The following DENND2B variants were observed in gnomAD, a reference collection of about 807,000 sequenced individuals.
The protein encoded by DENND2B is DENN domain-containing protein 2B.
Under a neutral mutation model 116.0 loss-of-function variants are expected in DENND2B, and 32 were observed. The observed-to-expected ratio is 0.28, with a 90% CI of 0.21 to 0.37. The LOEUF (loss-of-function observed/expected upper bound fraction) is 0.37. DENND2B is among the 10% of genes least tolerant of loss of function. The probability of loss-of-function intolerance (pLI) is 1.00; values close to 1 mark genes in which losing one functional copy is unlikely to be tolerated. For synonymous variants in DENND2B, 588 were observed against 583.9 expected, an observed-to-expected ratio of 1.01 and a Z score of -0.10; for missense variants, 1,276 against 1,477.7, an observed-to-expected ratio of 0.86 and a Z score of 2.24.
intron 1 of DENND2B, among the ~76,000 whole-genome samples, chr11:8,770,621 T>A (rs1234060587): frequency 6.6e-6 from 1 of 152,146 alleles, no homozygotes; most frequent in Non-Finnish European, 1.5e-5. Flanking sequence ...CTTGAGTGAG[T>A]CCAGACCTAA....
At chr11:8,894,180 A>T (rs1213519389) in intron 1 of DENND2B, among the ~76,000 whole-genome samples, 2 of 152,208 alleles carry the variant, frequency 1.3e-5, no homozygotes, top group East Asian at 3.8e-4. Context: ...GGTGCTGGGA[A>T]AACTTGCTAG....
At chr11:8,901,287 TG>T (rs1277198358) in intron 1 of DENND2B, among the ~76,000 whole-genome samples, 2 of 140,894 alleles carry the variant, frequency 1.4e-5, no homozygotes, top group African/African-American at 2.6e-5. Flanking sequence ...TGGAGTGCAG[TG>T]GTGCAATCTC....
intron 1 of DENND2B, among the ~76,000 whole-genome samples, chr11:8,806,638 A>ACACACACACACACACACACACACAC (rs1017645452): frequency 6.6e-6 from 1 of 150,896 alleles, no homozygotes; most frequent in Non-Finnish European, 1.5e-5. Flanking sequence ...ACACACACAC[A>ACACACACACACACACACACACACAC]CCCAGGAGAG....
intron 3 of DENND2B, among the ~76,000 whole-genome samples, chr11:8,845,756 A>C (rs2256067): frequency 0.93 from 141,598 of 152,216 alleles, 66,693 homozygotes; most frequent in East Asian, 1. Context: ...TAGAAAATAT[A>C]CCCTGTCTGA....
chr11:8,799,912 CATGT>C (rs2060166588), intron 1 of DENND2B, among the ~76,000 whole-genome samples: 1 of 147,096 alleles, frequency 6.8e-6, no homozygotes, highest in East Asian at 2.0e-4. Flanking sequence ...CAGTCTTCAC[CATGT>C]ATTTATTATT....
intron 2 of DENND2B, among the ~76,000 whole-genome samples, chr11:8,738,837 C>T (rs1463422078): frequency 6.6e-6 from 1 of 152,184 alleles, no homozygotes; most frequent in East Asian, 1.9e-4. Context: ...ATTGTTTTCC[C>T]TCCTTATCAA....
intron 1 of DENND2B, among the ~76,000 whole-genome samples, chr11:8,888,342 A>G (rs1284331949): frequency 6.6e-6 from 1 of 152,178 alleles, no homozygotes; most frequent in Non-Finnish European, 1.5e-5. Flanking sequence ...GCTTCTGATC[A>G]TAGATGTGCA....
At chr11:8,815,774 GCTC>G (rs1488668306) in intron 4 of DENND2B, among the ~76,000 whole-genome samples, 2 of 152,276 alleles carry the variant, frequency 1.3e-5, no homozygotes, top group East Asian at 1.9e-4. Context: ...ACAGACCTGA[GCTC>G]CTCGAGGTGT....
At chr11:8,779,508 TTC>T (rs1374207509) in intron 1 of DENND2B, among the ~76,000 whole-genome samples, 14 of 113,860 alleles carry the variant, frequency 1.2e-4, no homozygotes, top group African/African-American at 4.3e-4. Context: ...CTTTCTTTCT[TTC>T]TTTCTTTTTT....
At chr11:8,820,325 T>C (rs1194427426) in intron 4 of DENND2B, among the ~76,000 whole-genome samples, 8 of 152,196 alleles carry the variant, frequency 5.3e-5, no homozygotes. Flanking sequence ...AGATGACATT[T>C]ATTAAATAGT....
chr11:8,774,407 T>C, intron 1 of DENND2B: 1 of 844,468 alleles, frequency 1.2e-6, no homozygotes, highest in Non-Finnish European at 1.4e-6. Context: ...TCCATTAGAA[T>C]CTAGTGTCAC....
chr11:8,854,391 AG>A (rs1034998797), intron 3 of DENND2B, among the ~76,000 whole-genome samples: 2 of 151,782 alleles, frequency 1.3e-5, no homozygotes, highest in African/African-American at 4.8e-5. Context: ...CACTAGAGAC[AG>A]GGTTTCACCA....
chr11:8,795,057 C>A (rs1016536050), intron 1 of DENND2B, among the ~76,000 whole-genome samples: 3 of 152,232 alleles, frequency 2.0e-5, no homozygotes, highest in Non-Finnish European at 4.4e-5. Context: ...CGGGGGGAAG[C>A]TTTTCCTGGC....
At chr11:8,839,565 T>C (rs2062555059) in intron 3 of DENND2B, among the ~76,000 whole-genome samples, 3 of 152,178 alleles carry the variant, frequency 2.0e-5, no homozygotes, top group African/African-American at 7.2e-5. Flanking sequence ...GCAACAGGCT[T>C]TCCCTCACTT....
At chr11:8,851,659 G>A (rs1003863828) in intron 3 of DENND2B, among the ~76,000 whole-genome samples, 2 of 152,012 alleles carry the variant, frequency 1.3e-5, no homozygotes, top group Non-Finnish European at 2.9e-5. Context: ...AATAATCAAG[G>A]AACTGCACTA....
chr11:8,813,902 G>A (rs1316188968), upstream of DENND2B, among the ~76,000 whole-genome samples: 1 of 152,178 alleles, frequency 6.6e-6, no homozygotes, highest in African/African-American at 2.4e-5. Context: ...GAACTGGGCA[G>A]AGTCAGGGAC....
In DENND2B at chr11:8,860,672, C is replaced by T. The variant is rs554543152; in HGVS notation, c.-249-3236G>A. Among the ~76,000 whole-genome samples, 18 of 152,100 alleles carry T rather than the reference C, an allele frequency of 1.2e-4. 1 individual carries two copies. The South Asian group carries it at 1.7e-3, about 14-fold the overall frequency. ...CCTATCCAAATACTAACATCATTTT[C>T]GAAAATATTAGAAAAAACAATTCTA... is the stretch of plus-strand genomic sequence containing the variant. On this transcript the variant is annotated intron_variant, in intron 2 of 6. Transcript: ENST00000524757.
chr11:8,848,469 T>C (rs1405811424), intron 3 of DENND2B, among the ~76,000 whole-genome samples: 1 of 152,174 alleles, frequency 6.6e-6, no homozygotes, highest in African/African-American at 2.4e-5. Context: ...ATGCCCAGCA[T>C]TTAAATACCA....
intron 1 of DENND2B, among the ~76,000 whole-genome samples, chr11:8,790,843 C>A (rs562275852): frequency 2.0e-5 from 3 of 152,258 alleles, no homozygotes; most frequent in Non-Finnish European, 4.4e-5. Flanking sequence ...CTGCTTTTCT[C>A]GGTCTCCTAA....
Sources: gnomAD v4.1 joint callset for allele counts (sites outside exome capture counted in the v4.1 genomes callset) on GRCh38, gnomAD v4.1.1 for gene constraint, MANE v1.5 for transcripts, NCBI Gene and HGNC (gene_info 2026-07-23, HGNC 2026-07-21) for gene names.